Variants in OXR1 observed in about 807,000 individuals in gnomAD.
OXR1 encodes oxidation resistance 1.
OXR1 carries 41 observed loss-of-function variants against 104.6 expected under a neutral mutation model. The observed-to-expected ratio is 0.39, with a 90% CI of 0.31 to 0.51. OXR1 has a LOEUF of 0.51. Ranked by LOEUF, OXR1 falls within the 20% of genes least tolerant of loss-of-function variation. The probability of loss-of-function intolerance (pLI) is 0.77; values close to 1 mark genes in which losing one functional copy is unlikely to be tolerated. For synonymous variants in OXR1, 348 were observed against 348.4 expected, an observed-to-expected ratio of 1.00 and a Z score of 0.01; for missense variants, 955 against 1,031.9, an observed-to-expected ratio of 0.93 and a Z score of 1.02.
At chr8:106,452,892 T>A (rs7008540) in intron 2 of OXR1, among the ~76,000 whole-genome samples, 16,749 of 151,602 alleles carry the variant, frequency 0.11, 3,241 homozygotes, top group African/African-American at 0.39. Flanking sequence ...ACTAAATTGA[T>A]ATCTTTTAAT....
At chr8:106,447,170 C>T (rs898217138) in intron 2 of OXR1, among the ~76,000 whole-genome samples, 1 of 152,116 alleles carries the variant, frequency 6.6e-6, no homozygotes, top group African/African-American at 2.4e-5. Flanking sequence ...AAAAGTCAAA[C>T]GTTACTTTGA....
chr8:106,380,605 T>C (rs1817104004), intron 2 of OXR1, among the ~76,000 whole-genome samples: 1 of 152,216 alleles, frequency 6.6e-6, no homozygotes, highest in Non-Finnish European at 1.5e-5. Flanking sequence ...TGGGTGTTTC[T>C]GTTTCTCCAC....
chr8:106,612,537 TAATTC>T (rs563146615), intron 3 of OXR1, among the ~76,000 whole-genome samples: 133 of 152,292 alleles, frequency 8.7e-4, no homozygotes, highest in African/African-American at 3.0e-3. Context: ...ATTTTTTCTT[TAATTC>T]ATTTCCTTTC....
chr8:106,631,707 C>G (rs1822700520), intron 3 of OXR1, among the ~76,000 whole-genome samples: 1 of 151,988 alleles, frequency 6.6e-6, no homozygotes, highest in South Asian at 2.1e-4. Context: ...TTACTATATG[C>G]CAATAATGAG....
At chr8:106,523,967 G>A (rs748359107) in intron 3 of OXR1, among the ~76,000 whole-genome samples, 3 of 151,838 alleles carry the variant, frequency 2.0e-5, no homozygotes, top group Non-Finnish European at 2.9e-5. Context: ...TAGTAGAGAC[G>A]GGGTTTCACC....
chr8:106,750,324 C>CTTTTTTTTTTT (rs35858491), intron 16 of OXR1, among the ~76,000 whole-genome samples: 5 of 138,200 alleles, frequency 3.6e-5, no homozygotes, highest in Non-Finnish European at 7.7e-5. Context: ...CTTTTCTTTT[C>CTTTTTTTTTTT]TTTTTTTTTT....
At chr8:106,721,559 A>G (rs1034156859) in intron 11 of OXR1, among the ~76,000 whole-genome samples, 1 of 152,200 alleles carries the variant, frequency 6.6e-6, no homozygotes, top group Non-Finnish European at 1.5e-5. Flanking sequence ...AAATACTGAT[A>G]AAAAGACATT....
At chr8:106,737,882 G>A (rs776938) in intron 12 of OXR1, among the ~76,000 whole-genome samples, 91,915 of 151,966 alleles carry the variant, frequency 0.6, 28,672 homozygotes, top group African/African-American at 0.76. Context: ...TTCATTTAAC[G>A]TTGGAAGAAT....
intron 7 of OXR1, among the ~76,000 whole-genome samples, chr8:106,698,518 A>T (rs970437451): frequency 6.6e-6 from 1 of 152,102 alleles, no homozygotes; most frequent in African/African-American, 2.4e-5. Flanking sequence ...GGGAACTCCA[A>T]TTCTGCATAT....
intron 11 of OXR1, among the ~76,000 whole-genome samples, chr8:106,731,926 A>G (rs1405988421): frequency 6.6e-6 from 1 of 152,110 alleles, no homozygotes; most frequent in Non-Finnish European, 1.5e-5. Context: ...ATTTGCCTGT[A>G]TCTACAAAAT....
intron 1 of OXR1, among the ~76,000 whole-genome samples, chr8:106,337,906 T>A (rs1815029614): frequency 6.6e-6 from 1 of 152,186 alleles, no homozygotes; most frequent in Non-Finnish European, 1.5e-5. Context: ...AATAGCTACT[T>A]AAAACACTAA....
intron 2 of OXR1, among the ~76,000 whole-genome samples, chr8:106,501,222 C>G (rs1811786298): frequency 6.6e-6 from 1 of 152,166 alleles, no homozygotes; most frequent in South Asian, 2.1e-4. Context: ...CTCCTGGACT[C>G]AAGGGATCCT....
intron 2 of OXR1, among the ~76,000 whole-genome samples, chr8:106,426,975 A>G (rs1479519158): frequency 6.6e-6 from 1 of 152,132 alleles, no homozygotes; most frequent in Non-Finnish European, 1.5e-5. Flanking sequence ...ATGGTAAGAA[A>G]TGGACTCATC....
In OXR1 at chr8:106,270,245, A is replaced by T. The variant is rs1006274363; in HGVS notation, c.-261A>T. ...AGCTGGGCTGCGTCAGGCTGAGCCC[A>T]TTCACCTCGCGGCCACAGGAGCTCA... On this transcript the variant is annotated 5_prime_UTR_variant, in exon 1 of 17. Transcript: ENST00000517566. The T allele has an allele frequency of 1.3e-5, 2 of 151,910 alleles. No homozygotes were observed. Among genetic ancestry groups the T allele is most frequent in the Non-Finnish European group, 2.9e-5 (2 of 68,020 alleles). 9.4% of individuals were successfully genotyped at this position (151,910 alleles called of 1,614,324 possible). A position where few individuals can be genotyped will look rare whatever the true frequency, so the allele number is the denominator to read the frequency against.
At chr8:106,295,907 C>T (rs1299540628) in intron 1 of OXR1, among the ~76,000 whole-genome samples, 1 of 152,128 alleles carries the variant, frequency 6.6e-6, no homozygotes, top group African/African-American at 2.4e-5. Flanking sequence ...CAAACTGAAC[C>T]TCTGTCCTGA....
chr8:106,679,042 TC>T (rs1301639398), intron 3 of OXR1, among the ~76,000 whole-genome samples, 167 bp from the exon 4 acceptor site: 32 of 152,046 alleles, frequency 2.1e-4, no homozygotes, highest in African/African-American at 6.5e-4. Flanking sequence ...AGTAGGAAGT[TC>T]AGTTCCTTTT....
intron 3 of OXR1, among the ~76,000 whole-genome samples, chr8:106,595,191 T>C (rs1298210868): frequency 1.3e-5 from 2 of 152,188 alleles, no homozygotes; most frequent in Non-Finnish European, 2.9e-5. Flanking sequence ...AGAACTATCA[T>C]TTTGCTTTGT....
chr8:106,305,232 T>C (rs1813421123), intron 1 of OXR1, among the ~76,000 whole-genome samples: 1 of 152,158 alleles, frequency 6.6e-6, no homozygotes, highest in Non-Finnish European at 1.5e-5. Flanking sequence ...TCATTCTTTT[T>C]TTGGTAGCCA....
intron 1 of OXR1, among the ~76,000 whole-genome samples, chr8:106,344,369 G>A (rs1009332465): frequency 1.2e-4 from 19 of 152,068 alleles, no homozygotes; most frequent in Non-Finnish European, 2.5e-4. Flanking sequence ...ACGGTGTCTC[G>A]CTCTGTCACT....
Sources: allele counts gnomAD v4.1 joint callset (sites outside exome capture counted in the v4.1 genomes callset), GRCh38; gene constraint gnomAD v4.1.1; transcripts MANE v1.5; gene names NCBI Gene and HGNC (gene_info 2026-07-23, HGNC 2026-07-21).